TAAR1: variants seen among roughly 807,000 people sequenced by gnomAD.
The protein encoded by TAAR1 is trace amine associated receptor 1, also known as trace amine-associated receptor 1.
Under a neutral mutation model 1.2 loss-of-function variants are expected in TAAR1, and 1 was observed. That is an observed-to-expected ratio of 0.81 (90% CI 0.29 to 3.86). The LOEUF is 3.86. Ranked by LOEUF, TAAR1 falls within the 30% of genes most tolerant of loss-of-function variation. TAAR1 has a pLI of 0.18. For synonymous variants in TAAR1, 153 were observed against 132.2 expected (o/e 1.16, Z -1.08); for missense variants, 445 against 405.6 (o/e 1.10, Z -0.83).
Position 132,645,217 on chromosome 6 carries a change from A to C in TAAR1, c.787T>G (p.Cys263Gly), listed in dbSNP as rs142169206. The C allele has an allele frequency of 7.4e-6, 12 of 1,613,646 alleles. No individual in the cohort carries two copies. The highest frequency in any genetic ancestry group is 2.2e-5 in the East Asian group (1 of 44,852). ...GTACAGATAAAGAAAGGGCACCAGC[A>C]TATTAGGAAAACTCCCATCACAATC... ...LGIVMGVFLI[C>G]WCPFFICTVM... The change falls in exon 2 of 2, where the codon TGC becomes GGC. Residue 263 changes from cysteine to glycine, a missense_variant. Coordinates refer to ENST00000275216, the MANE Select transcript of TAAR1 (RefSeq NM_138327.4).
In TAAR1 at chr6:132,645,697, C is replaced by T. The variant is rs759733834; in HGVS notation, c.307G>A (p.Asp103Asn). The stretch of plus-strand genomic sequence containing the variant: ...ATGGAGGCTGAGCTCAGCATAATGT[C>T]GGTGCTTGTGTGAATTTTACAGAAG... ...EVFCKIHTSTDIMLSSASIFH... is the reference protein window; with the variant it reads ...EVFCKIHTSTNIMLSSASIFH... Residue 103 changes from aspartate to asparagine, a missense_variant, in exon 2 of 2, where the codon GAC becomes AAC. Coordinates refer to ENST00000275216, the MANE Select transcript of TAAR1 (RefSeq NM_138327.4). 7 of 1,613,588 alleles carry T rather than the reference C, an allele frequency of 4.3e-6. No homozygotes were observed. The highest frequency in any genetic ancestry group is 5.9e-6 in the Non-Finnish European group (7 of 1,179,794).
intron 1 of TAAR1, among the ~76,000 whole-genome samples, chr6:132,656,996 A>G (rs1490460598): frequency 6.6e-6 from 1 of 152,200 alleles, no homozygotes; most frequent in East Asian, 1.9e-4. Context: ...TAAAAGCAAC[A>G]ACAATGATTA....
intron 1 of TAAR1, among the ~76,000 whole-genome samples, chr6:132,652,256 A>AT (rs1292833662): frequency 4.0e-5 from 6 of 149,828 alleles, no homozygotes; most frequent in Non-Finnish European, 8.9e-5. Context: ...TGAGATATGA[A>AT]TTTTTTTTGG....
At chr6:132,653,249 G>A (rs1049608504) in intron 1 of TAAR1, among the ~76,000 whole-genome samples, 1 of 152,152 alleles carries the variant, frequency 6.6e-6, no homozygotes, top group Non-Finnish European at 1.5e-5. Context: ...CTTCCACCAG[G>A]AATATACTAG....
chr6:132,656,034 T>C (rs1582754444), intron 1 of TAAR1, among the ~76,000 whole-genome samples: 1 of 152,106 alleles, frequency 6.6e-6, no homozygotes, highest in African/African-American at 2.4e-5. Context: ...AGGTTGGAGC[T>C]GTGTGAGGAA....
intron 1 of TAAR1, among the ~76,000 whole-genome samples, chr6:132,657,321 T>C (rs1777815134): frequency 1.3e-5 from 2 of 152,024 alleles, no homozygotes; most frequent in South Asian, 2.1e-4. Context: ...TTCAGTGCAA[T>C]TGTTTTTGTA....
Position 132,645,702 on chromosome 6 carries a change from C to T in TAAR1, c.302G>A (p.Ser101Asn). ...FGEVFCKIHT[S>N]TDIMLSSASI... ...GGCTGAGCTCAGCATAATGTCGGTG[C>T]TTGTGTGAATTTTACAGAAGACTTC... The change falls in exon 2 of 2, where the codon AGC (serine) becomes AAC (asparagine). Residue 101 changes from serine to asparagine, a missense_variant. Ser to Asn is a conservative substitution (Grantham distance 46). Coordinates refer to ENST00000275216, the MANE Select transcript of TAAR1 (RefSeq NM_138327.4). The T allele has an allele frequency of 6.2e-7, 1 of 1,613,618 alleles. No individual in the cohort carries two copies. The highest frequency in any genetic ancestry group is 8.5e-7 in the Non-Finnish European group (1 of 1,179,788).
intron 1 of TAAR1, among the ~76,000 whole-genome samples, chr6:132,649,223 T>C (rs7746037): frequency 0.045 from 6,802 of 152,250 alleles, 530 homozygotes; most frequent in African/African-American, 0.15. Context: ...ATGGTCTTTA[T>C]TCCATTTCCT....
chr6:132,643,800 T>C lies in TAAR1; in HGVS notation c.*1184A>G, dbSNP rs1360490839. ...ATGTTTGCCCACTTCCTTTAGAGAATCTTATTTGAAACCATTATTTGTTCC... is the reference window on the plus strand; with the variant it reads ...ATGTTTGCCCACTTCCTTTAGAGAACCTTATTTGAAACCATTATTTGTTCC... On this transcript the variant is annotated 3_prime_UTR_variant, in exon 2 of 2. Coordinates refer to ENST00000275216, the MANE Select transcript of TAAR1 (RefSeq NM_138327.4). 6.6e-6 allele frequency among the ~76,000 whole-genome samples: 1 copy of C among 151,988 alleles called. No homozygotes were observed. The highest frequency in any genetic ancestry group is 1.5e-5 in the Non-Finnish European group (1 of 67,932).
intron 1 of TAAR1, among the ~76,000 whole-genome samples, chr6:132,656,136 AG>A (rs1777802232): frequency 6.6e-6 from 1 of 152,182 alleles, no homozygotes; most frequent in African/African-American, 2.4e-5. Context: ...CAGCCTCCAG[AG>A]GCTGCAGTTT....
chr6:132,653,211 G>C (rs1247319707), intron 1 of TAAR1, among the ~76,000 whole-genome samples: 1 of 152,288 alleles, frequency 6.6e-6, no homozygotes, highest in South Asian at 2.1e-4. Flanking sequence ...TGACAGTGGA[G>C]TGGCCTGTAG....
intron 1 of TAAR1, among the ~76,000 whole-genome samples, chr6:132,647,640 G>GA (rs1367489260): frequency 8.2e-6 from 1 of 121,742 alleles, no homozygotes; most frequent in Non-Finnish European, 1.7e-5. Flanking sequence ...AAGAAAGAAA[G>GA]AAAGAAAGAA....
intron 1 of TAAR1, among the ~76,000 whole-genome samples, chr6:132,658,617 A>T (rs987360213): frequency 1.3e-5 from 2 of 152,122 alleles, no homozygotes; most frequent in African/African-American, 4.8e-5. Flanking sequence ...ATATTTGCAC[A>T]AATAATATCT....
At chr6:132,648,648 G>T (rs1232241545) in intron 1 of TAAR1, among the ~76,000 whole-genome samples, 2 of 152,148 alleles carry the variant, frequency 1.3e-5, no homozygotes, top group Non-Finnish European at 2.9e-5. Context: ...AAACATCATT[G>T]TATGAGTGCT....
chr6:132,648,920 T>C (rs1302838823), intron 1 of TAAR1, among the ~76,000 whole-genome samples: 1 of 152,184 alleles, frequency 6.6e-6, no homozygotes, highest in Non-Finnish European at 1.5e-5. Context: ...GTAAATGATC[T>C]AATCATCTAA....
At chr6:132,650,174 C>A (rs572876118) in intron 1 of TAAR1, among the ~76,000 whole-genome samples, 51 of 152,250 alleles carry the variant, frequency 3.3e-4, no homozygotes, top group Admixed American at 2.0e-3. Flanking sequence ...TGCTTCCTTT[C>A]CAACAATTTT....
chr6:132,651,156 C>T (rs1777743903), intron 1 of TAAR1, among the ~76,000 whole-genome samples: 1 of 152,196 alleles, frequency 6.6e-6, no homozygotes, highest in Non-Finnish European at 1.5e-5. Context: ...GGGTCACCAC[C>T]CCGCTGTGGT....
rs60971741 is a variant in TAAR1 at position 132,643,699 on chromosome 6, T to A, written c.*1285A>T. Among the ~76,000 whole-genome samples, 9,059 of 152,014 alleles carry A rather than the reference T, an allele frequency of 0.06. 311 individuals are homozygous for A. The highest frequency in any genetic ancestry group is 0.11 in the East Asian group (574 of 5,168). ...GCAGAAGGTAAATCCAAATCCCCAGTGATACTCAATCTGAAACAGACCATG... is the reference window on the plus strand; with the variant it reads ...GCAGAAGGTAAATCCAAATCCCCAGAGATACTCAATCTGAAACAGACCATG... On this transcript the variant is annotated 3_prime_UTR_variant, in exon 2 of 2. Coordinates refer to ENST00000275216, the MANE Select transcript of TAAR1 (RefSeq NM_138327.4).
intron 1 of TAAR1, among the ~76,000 whole-genome samples, chr6:132,657,127 T>A (rs1777812288): frequency 6.6e-6 from 1 of 152,152 alleles, no homozygotes; most frequent in South Asian, 2.1e-4. Flanking sequence ...CACTTAACAT[T>A]GGCCTGAAAC....
Sources: gnomAD v4.1 joint callset for allele counts (sites outside exome capture counted in the v4.1 genomes callset) on GRCh38, gnomAD v4.1.1 for gene constraint, MANE v1.5 for transcripts, NCBI Gene and HGNC (gene_info 2026-07-23, HGNC 2026-07-21) for gene names.